Variants in IFT43 observed in about 807,000 individuals in gnomAD.
The protein encoded by IFT43 is intraflagellar transport 43.
IFT43 carries 33 observed loss-of-function variants against 32.3 expected under a neutral mutation model. The observed-to-expected ratio is 1.02, with a 90% CI of 0.77 to 1.37. IFT43 has a LOEUF of 1.37. IFT43 is among the 40% of genes most tolerant of loss of function. The pLI is 0.00. For synonymous variants in IFT43, 93 were observed against 98.2 expected, an observed-to-expected ratio of 0.95 and a Z score of 0.31; for missense variants, 274 against 265.9, an observed-to-expected ratio of 1.03 and a Z score of -0.21.
In IFT43 at chr14:76,083,281, GT is replaced by G. The variant is rs1196105598; in HGVS notation, c.500del (p.Val167AlafsTer75). 3.1e-6 allele frequency: 5 copies of G among 1,613,736 alleles called. No individual in the cohort carries two copies. The highest frequency in any genetic ancestry group is 3.4e-6 in the Non-Finnish European group (4 of 1,179,726). Reference sequence around the variant, plus strand: ...CAAAGTGCTCGCGCCGGAGCACGAAGTCCGGGAGGTACAGTGGTGGCAGCAA... The same window carrying G: ...CAAAGTGCTCGCGCCGGAGCACGAAGCCGGGAGGTACAGTGGTGGCAGCAA... ...LTKVLAPEHE[V>X]REDDVGWDWD... On this transcript the variant is annotated frameshift_variant, in exon 8 of 9. Transcript: ENST00000314067. LOFTEE classifies it high-confidence loss of function.
rs542124163 is a variant in IFT43, at chr14:76,060,522, A to G, written c.295+1149A>G. 4.2e-5 allele frequency among the ~76,000 whole-genome samples: 6 copies of G among 142,746 alleles called. No homozygotes were observed. The South Asian group carries it at 1.2e-3, about 28-fold the overall frequency. 93.6% of individuals were successfully genotyped at this position (142,746 alleles called of 152,430 possible). ...CCGTGAGCCACCGCGCCCGGCCCCA[A>G]ATTGTCAAAGCCTTTTTTTTTTAGA... On this transcript the variant is annotated intron_variant, in intron 5 of 8. Transcript: ENST00000314067.
At chr14:76,024,627 A>C (rs149679314) in intron 3 of IFT43, among the ~76,000 whole-genome samples, 5 of 152,378 alleles carry the variant, frequency 3.3e-5, no homozygotes, top group African/African-American at 1.2e-4. Context: ...ACAACAGTGC[A>C]TAAGGAGTAA....
chr14:76,073,903 A>G (rs2037367669), intron 5 of IFT43, among the ~76,000 whole-genome samples: 1 of 152,072 alleles, frequency 6.6e-6, no homozygotes, highest in Admixed American at 6.5e-5. Context: ...AGCAGCAGTA[A>G]GACTCCTCAT....
chr14:76,081,362 C>T (rs1467228412), intron 5 of IFT43, among the ~76,000 whole-genome samples: 1 of 152,244 alleles, frequency 6.6e-6, no homozygotes, highest in Non-Finnish European at 1.5e-5. Context: ...AGGACTGTCT[C>T]ACCCCACCAG....
chr14:76,062,917 CAAAAAAA>C (rs746158153), intron 5 of IFT43, among the ~76,000 whole-genome samples: 2 of 72,476 alleles, frequency 2.8e-5, no homozygotes, highest in African/African-American at 5.9e-5. Flanking sequence ...GATCCCATCT[CAAAAAAA>C]AAAAAAAAAA....
At chr14:76,000,890 T>G (rs986712877) in intron 2 of IFT43, among the ~76,000 whole-genome samples, 1 of 152,162 alleles carries the variant, frequency 6.6e-6, no homozygotes, top group African/African-American at 2.4e-5. Flanking sequence ...TTATTTCAAT[T>G]TGGGACATGC....
At chr14:76,012,496 C>G (rs778925064) in intron 2 of IFT43, among the ~76,000 whole-genome samples, 1 of 152,210 alleles carries the variant, frequency 6.6e-6, no homozygotes, top group Non-Finnish European at 1.5e-5. Context: ...GGACTGCAAC[C>G]GCCAGTCACG....
chr14:76,078,568 T>C (rs775277434), intron 5 of IFT43, among the ~76,000 whole-genome samples: 9 of 152,106 alleles, frequency 5.9e-5, no homozygotes, highest in Non-Finnish European at 8.8e-5. Flanking sequence ...AGATGGAGTT[T>C]CCTCACAGCG....
intron 3 of IFT43, among the ~76,000 whole-genome samples, chr14:76,038,942 G>T (rs370482247): frequency 6.6e-6 from 1 of 152,058 alleles, no homozygotes; most frequent in African/African-American, 2.4e-5. Context: ...ACTGGTGGTC[G>T]CATTTGGGCC....
intron 4 of IFT43, 73 bp downstream of exon 4, chr14:76,058,747 T>A (rs752056528): frequency 1.2e-6 from 2 of 1,607,042 alleles, no homozygotes; most frequent in Non-Finnish European, 1.7e-6. Context: ...TTGGTGGTCA[T>A]GATCTGTTCC....
At chr14:76,038,858 AT>A (rs1382296843) in intron 3 of IFT43, among the ~76,000 whole-genome samples, 1 of 152,116 alleles carries the variant, frequency 6.6e-6, no homozygotes, top group Non-Finnish European at 1.5e-5. Context: ...AATGAGAATA[AT>A]GGATGGGTCA....
intron 5 of IFT43, among the ~76,000 whole-genome samples, chr14:76,078,711 A>G (rs893727186): frequency 6.6e-6 from 1 of 152,236 alleles, no homozygotes; most frequent in African/African-American, 2.4e-5. Flanking sequence ...GGCAGAGAGC[A>G]GTGCGGCCGT....
chr14:76,056,433 T>A (rs1447860401), intron 3 of IFT43, among the ~76,000 whole-genome samples: 2 of 152,184 alleles, frequency 1.3e-5, no homozygotes, highest in Non-Finnish European at 2.9e-5. Flanking sequence ...CATCCCCCTT[T>A]TGGATATTGA....
intron 3 of IFT43, among the ~76,000 whole-genome samples, chr14:76,036,408 CTT>C (rs3086747): frequency 1.3e-4 from 15 of 119,708 alleles, no homozygotes; most frequent in Admixed American, 2.7e-4. Flanking sequence ...TTCTGTCTTT[CTT>C]TTTTTTTTTT....
chr14:76,018,855 G>A (rs2036238257), intron 2 of IFT43, among the ~76,000 whole-genome samples: 1 of 151,800 alleles, frequency 6.6e-6, no homozygotes, highest in African/African-American at 2.4e-5. Context: ...CTTGCTTTGG[G>A]TTCTTATTTG....
chr14:76,079,863 T>G lies in IFT43; in HGVS notation c.296-2432T>G, dbSNP rs374478470. Among the ~76,000 whole-genome samples the G allele has an allele frequency of 1.2e-3, 180 of 152,160 alleles. 4 individuals carry two copies. In the South Asian group the frequency reaches 0.035, roughly 30 times the overall value. On this transcript the variant is annotated intron_variant, in intron 5 of 8. Coordinates refer to ENST00000314067, the MANE Select transcript of IFT43 (RefSeq NM_001102564.3). ...AGGCCGGATCACTGCTCATAGGTAATTTTGTGAAGAAGCTAGTTTCCTAAG... is the reference window on the plus strand; with the variant it reads ...AGGCCGGATCACTGCTCATAGGTAAGTTTGTGAAGAAGCTAGTTTCCTAAG...
chr14:76,024,149 G>A (rs1271493317), intron 3 of IFT43, among the ~76,000 whole-genome samples: 3 of 152,208 alleles, frequency 2.0e-5, no homozygotes, highest in African/African-American at 7.2e-5. Flanking sequence ...TTGGATTTCT[G>A]CCAGCATCTG....
At chr14:76,044,944 C>T (rs1410754826) in intron 3 of IFT43, among the ~76,000 whole-genome samples, 1 of 152,094 alleles carries the variant, frequency 6.6e-6, no homozygotes, top group Admixed American at 6.6e-5. Context: ...TATTGTAATA[C>T]AGTATATAGC....
At chr14:76,011,051 C>T (rs1204582370) in intron 2 of IFT43, among the ~76,000 whole-genome samples, 3 of 151,778 alleles carry the variant, frequency 2.0e-5, no homozygotes, top group African/African-American at 7.3e-5. Context: ...TATAGCTGCA[C>T]ACCACCACAC....
Sources: allele counts gnomAD v4.1 joint callset (sites outside exome capture counted in the v4.1 genomes callset), GRCh38; gene constraint gnomAD v4.1.1; transcripts MANE v1.5; gene names NCBI Gene and HGNC (gene_info 2026-07-23, HGNC 2026-07-21).